Variants in DGKI observed in about 807,000 individuals in gnomAD.
DGKI encodes DAG kinase iota.
A neutral mutation model predicts 147.5 loss-of-function variants in DGKI; 55 were observed. The observed-to-expected ratio is 0.37, with a 90% confidence interval of 0.30 to 0.47. DGKI has a LOEUF of 0.47. DGKI is among the 20% of genes least tolerant of loss of function. The probability of loss-of-function intolerance (pLI) is 1.00; values close to 1 mark genes in which losing one functional copy is unlikely to be tolerated. For synonymous variants in DGKI, 469 were observed against 477.1 expected, an observed-to-expected ratio of 0.98 and a Z score of 0.22; for missense variants, 1,007 against 1,323.8, an observed-to-expected ratio of 0.76 and a Z score of 3.71.
rs200109920 is a variant in DGKI, at chr7:137,395,609, T to C, written c.3046A>G (p.Thr1016Ala). The C allele has an allele frequency of 6.2e-7, 1 of 1,614,068 alleles. No homozygotes were observed. The highest frequency in any genetic ancestry group is 8.5e-7 in the Non-Finnish European group (1 of 1,179,932). Residue 1016 changes from threonine to alanine, a missense_variant, in exon 32 of 33, where the codon ACG becomes GCG. Around this residue, in one of 5 missense-constraint regions of DGKI, gnomAD observed 385 missense variants for 445.2 expected, o/e 0.86. Coordinates refer to ENST00000614521, the MANE Select transcript of DGKI (RefSeq NM_001321708.2). ...LVDAGASLRK[T>A]DSKGKTPQER... ...ACTCATCGAGTTACCTTGGAGTCCG[T>C]CTTTCTCAGAGATGCTCCTGCATCC...
chr7:137,588,995 G>A (rs1309876575), intron 12 of DGKI, among the ~76,000 whole-genome samples: 2 of 152,078 alleles, frequency 1.3e-5, no homozygotes, highest in Non-Finnish European at 2.9e-5. Flanking sequence ...TAATGCCAGT[G>A]GCCAACCCCT....
intron 8 of DGKI, among the ~76,000 whole-genome samples, chr7:137,618,228 T>TAA (rs753221341): frequency 7.9e-6 from 1 of 126,364 alleles, no homozygotes; most frequent in Non-Finnish European, 1.7e-5. Flanking sequence ...TCACGGTTAT[T>TAA]AAAAAAAAAA....
At chr7:137,437,936 CA>C (rs1388700819) in intron 28 of DGKI, among the ~76,000 whole-genome samples, 1 of 151,994 alleles carries the variant, frequency 6.6e-6, no homozygotes, top group Non-Finnish European at 1.5e-5. Flanking sequence ...TACCAAACCA[CA>C]AAAATCAATT....
chr7:137,409,848 G>A (rs1754434087), intron 29 of DGKI, among the ~76,000 whole-genome samples: 1 of 152,062 alleles, frequency 6.6e-6, no homozygotes, highest in Non-Finnish European at 1.5e-5. Flanking sequence ...TGGCTCCAGA[G>A]ATGTTCTCTT....
chr7:137,541,623 A>G (rs1281700266), intron 20 of DGKI, among the ~76,000 whole-genome samples: 4 of 152,164 alleles, frequency 2.6e-5, no homozygotes, highest in African/African-American at 9.7e-5. Context: ...TATCCAATTG[A>G]TTTTTGGTAG....
At chr7:137,720,765 G>A (rs1164636800) in intron 1 of DGKI, among the ~76,000 whole-genome samples, 1 of 151,944 alleles carries the variant, frequency 6.6e-6, no homozygotes, top group African/African-American at 2.4e-5. Flanking sequence ...TTCCTATTTG[G>A]TTAATCACTT....
intron 1 of DGKI, among the ~76,000 whole-genome samples, chr7:137,729,703 A>G (rs1794814259): frequency 6.6e-6 from 1 of 152,018 alleles, no homozygotes; most frequent in African/African-American, 2.4e-5. Context: ...TTAACCTTCT[A>G]ATGGCCAAAA....
rs574023606 is a variant in DGKI, at chr7:137,386,394, A to T, written c.*4826T>A. 2 of 152,106 alleles carry T rather than the reference A, an allele frequency of 1.3e-5. No individual in the cohort carries two copies. Among genetic ancestry groups the T allele is most frequent in the Non-Finnish European group, 2.9e-5 (2 of 68,020 alleles). The allele number at this position is 152,106 out of a possible 1,614,324, so 9.4% of individuals were successfully genotyped here. On this transcript the variant is annotated 3_prime_UTR_variant, in exon 33 of 33. Coordinates refer to ENST00000614521, the MANE Select transcript of DGKI (RefSeq NM_001321708.2). ...GTTGAATGAGGAAGCAGCAGCCGTGATTGTGTACCCTCATGGGACTAAGAC... is the reference window on the plus strand; with the variant it reads ...GTTGAATGAGGAAGCAGCAGCCGTGTTTGTGTACCCTCATGGGACTAAGAC...
At chr7:137,715,179 T>G (rs571685333) in intron 1 of DGKI, among the ~76,000 whole-genome samples, 1 of 152,310 alleles carries the variant, frequency 6.6e-6, no homozygotes, top group South Asian at 2.1e-4. Flanking sequence ...CTGATCTAAA[T>G]GGTACGGGTA....
intron 1 of DGKI, among the ~76,000 whole-genome samples, chr7:137,716,105 A>C (rs1794368466): frequency 6.6e-6 from 1 of 152,198 alleles, no homozygotes; most frequent in Admixed American, 6.5e-5. Flanking sequence ...ACAAAAGGGA[A>C]TCACCCAATG....
intron 15 of DGKI, among the ~76,000 whole-genome samples, chr7:137,580,656 C>CTT (rs1254333375): frequency 6.6e-6 from 1 of 152,114 alleles, no homozygotes; most frequent in Non-Finnish European, 1.5e-5. Flanking sequence ...CAGTAAGAGA[C>CTT]TTTAAAGATC....
chr7:137,607,475 T>C (rs896426321), intron 10 of DGKI, among the ~76,000 whole-genome samples: 1 of 152,236 alleles, frequency 6.6e-6, no homozygotes, highest in African/African-American at 2.4e-5. Context: ...GAACAGGCTA[T>C]GTCTTAACTG....
chr7:137,749,034 G>A (rs1437459843), intron 1 of DGKI, among the ~76,000 whole-genome samples: 2 of 152,156 alleles, frequency 1.3e-5, no homozygotes, highest in East Asian at 1.9e-4. Context: ...TGACATGCAG[G>A]TGATGTCTAC....
chr7:137,425,957 C>T (rs1457446620), intron 28 of DGKI, among the ~76,000 whole-genome samples: 1 of 152,134 alleles, frequency 6.6e-6, no homozygotes, highest in Non-Finnish European at 1.5e-5. Flanking sequence ...AGAATGGAAC[C>T]AAGTTGGAAA....
intron 1 of DGKI, among the ~76,000 whole-genome samples, chr7:137,758,897 G>C (rs978134836): frequency 3.9e-5 from 6 of 151,918 alleles, no homozygotes; most frequent in Admixed American, 1.3e-4. Flanking sequence ...TAGGCGCTTT[G>C]GGCTTACTCA....
rs71177920 is a variant in DGKI, at chr7:137,767,471, GGAAGAGAAGAGAAGA to G, written c.402-77484_402-77470del. On this transcript the variant is annotated intron_variant, in intron 1 of 32. Transcript: ENST00000614521. ...TAAGAGTTCCAAAAGAGAAGAGAAGGGAAGAGAAGAGAAGAGAAGAGAAGAGAAGAGAAGAGAAGA... is the reference window on the plus strand; with the variant it reads ...TAAGAGTTCCAAAAGAGAAGAGAAGGGAAGAGAAGAGAAGAGAAGAGAAGA... 8.8e-3 allele frequency among the ~76,000 whole-genome samples: 793 copies of G among 89,648 alleles called. 10 individuals carry two copies. Among genetic ancestry groups the G allele is most frequent in the African/African-American group, 0.026 (525 of 19,888 alleles). The allele number at this position is 89,648 out of a possible 152,430, so 58.8% of individuals were successfully genotyped here.
chr7:137,432,985 G>C (rs1458171568), intron 28 of DGKI, among the ~76,000 whole-genome samples: 1 of 152,162 alleles, frequency 6.6e-6, no homozygotes, highest in East Asian at 1.9e-4. Flanking sequence ...GTGAAGTTGT[G>C]CTTGCTTGGG....
chr7:137,769,223 A>T (rs2116841604), intron 1 of DGKI, among the ~76,000 whole-genome samples: 1 of 152,294 alleles, frequency 6.6e-6, no homozygotes, highest in Non-Finnish European at 1.5e-5. Flanking sequence ...CGGTAGATGA[A>T]CTCTGACTGT....
chr7:137,810,262 C>T (rs935339027), intron 1 of DGKI, among the ~76,000 whole-genome samples: 1 of 152,158 alleles, frequency 6.6e-6, no homozygotes, highest in African/African-American at 2.4e-5. Flanking sequence ...TTGTTCCCTA[C>T]CAATCAATGG....
Sources: gnomAD v4.1 joint callset for allele counts (sites outside exome capture counted in the v4.1 genomes callset) on GRCh38, gnomAD v4.1.1 for gene constraint, gnomAD v4.1.1 regional missense constraint, MANE v1.5 for transcripts, NCBI Gene and HGNC (gene_info 2026-07-23, HGNC 2026-07-21) for gene names.